The following MTA3 variants were observed in gnomAD, a reference collection of about 807,000 sequenced individuals.
MTA3 encodes the protein metastasis associated 1 family member 3.
MTA3 carries 34 observed loss-of-function variants against 83.5 expected under a neutral mutation model. The observed-to-expected ratio is 0.41, with a 90% CI of 0.31 to 0.54. The LOEUF (loss-of-function observed/expected upper bound fraction) is 0.54. MTA3 is among the 20% of genes least tolerant of loss of function. The pLI is 0.33. For missense variants in MTA3, 761 were observed against 726.4 expected, an observed-to-expected ratio of 1.05 and a Z score of -0.55; for synonymous variants, 303 against 252.7, an observed-to-expected ratio of 1.20 and a Z score of -1.89.
chr2:42,703,741 T>G (rs1665807183), intron 11 of MTA3: 1 of 156,236 alleles, frequency 6.4e-6, no homozygotes, highest in African/African-American at 2.4e-5. Context: ...ATGCAAAAAG[T>G]TAGCCGGGCG....
chr2:42,589,029 AATC>A (rs1307059423), intron 3 of MTA3, among the ~76,000 whole-genome samples: 2 of 152,118 alleles, frequency 1.3e-5, no homozygotes, highest in East Asian at 3.9e-4. Flanking sequence ...TGTGGAGGCC[AATC>A]TTCTTAACTT....
intron 2 of MTA3, among the ~76,000 whole-genome samples, chr2:42,551,564 C>G (rs78132802): frequency 2.0e-5 from 3 of 151,968 alleles, no homozygotes; most frequent in African/African-American, 7.3e-5. Context: ...ACAGACATGC[C>G]TCTTCTCAAA....
At chr2:42,626,296 A>ATT (rs201522919) in intron 4 of MTA3, among the ~76,000 whole-genome samples, 1 of 140,480 alleles carries the variant, frequency 7.1e-6, no homozygotes, top group Admixed American at 7.0e-5. Flanking sequence ...CAGGAGCTCC[A>ATT]TTTTTTTAAA....
intron 2 of MTA3, among the ~76,000 whole-genome samples, chr2:42,540,926 A>G (rs1029652894): frequency 2.0e-5 from 3 of 152,106 alleles, no homozygotes; most frequent in Non-Finnish European, 4.4e-5. Flanking sequence ...CAATGCACGA[A>G]TTTTGTACTA....
chr2:42,593,578 A>C (rs993603639), intron 3 of MTA3, among the ~76,000 whole-genome samples: 1 of 151,980 alleles, frequency 6.6e-6, no homozygotes, highest in African/African-American at 2.4e-5. Context: ...CTTCATTATA[A>C]CCTTAAGGGA....
rs1328080028 is a variant in MTA3, at chr2:42,621,801, C to T, written c.317+12217C>T. 2.0e-5 allele frequency among the ~76,000 whole-genome samples: 3 copies of T among 151,600 alleles called. No homozygotes were observed. The East Asian group carries it at 5.8e-4, about 30-fold the overall frequency. Reference sequence around the variant, plus strand: ...ACGGGGCGGCTGGGCAGAGACGCTCCTCACCTCCCAGACGGGGTCGTGGCC... The same window carrying T: ...ACGGGGCGGCTGGGCAGAGACGCTCTTCACCTCCCAGACGGGGTCGTGGCC... On this transcript the variant is annotated intron_variant, in intron 4 of 16. Transcript: ENST00000405094.
chr2:42,724,629 G>A (rs1211395695), intron 16 of MTA3, among the ~76,000 whole-genome samples: 2 of 114,096 alleles, frequency 1.8e-5, no homozygotes, highest in African/African-American at 7.5e-5. Flanking sequence ...GGATGACAGA[G>A]ACCCCATCAC....
intron 3 of MTA3, among the ~76,000 whole-genome samples, chr2:42,607,264 A>G (rs1488247633): frequency 6.6e-6 from 1 of 152,206 alleles, no homozygotes; most frequent in Non-Finnish European, 1.5e-5. Context: ...AGCAAAGCAT[A>G]CTGTGAAGTA....
intron 9 of MTA3, among the ~76,000 whole-genome samples, chr2:42,684,121 G>T (rs1164634710): frequency 6.6e-6 from 1 of 152,160 alleles, no homozygotes; most frequent in Non-Finnish European, 1.5e-5. Flanking sequence ...ACTATAGTAT[G>T]TACTTTGTTT....
At chr2:42,573,404 G>T (rs1407717569) in intron 2 of MTA3, among the ~76,000 whole-genome samples, 3 of 152,082 alleles carry the variant, frequency 2.0e-5, no homozygotes, top group Non-Finnish European at 4.4e-5. Flanking sequence ...GGAGTTCATT[G>T]GTATGATGAT....
chr2:42,511,131 G>A (rs1267443344), intron 2 of MTA3, among the ~76,000 whole-genome samples: 1 of 152,120 alleles, frequency 6.6e-6, no homozygotes, highest in African/African-American at 2.4e-5. Context: ...CTGGGACTGG[G>A]TTTGACTGAA....
chr2:42,713,443 A>C (rs1027113828), intron 14 of MTA3, among the ~76,000 whole-genome samples: 5 of 152,102 alleles, frequency 3.3e-5, no homozygotes, highest in African/African-American at 1.2e-4. Context: ...AGAGAGTTTA[A>C]ATTTTTTTTT....
chr2:42,641,328 C>G (rs948093033), intron 5 of MTA3, among the ~76,000 whole-genome samples: 2 of 150,832 alleles, frequency 1.3e-5, no homozygotes, highest in African/African-American at 4.9e-5. Flanking sequence ...ATTAGAAAAC[C>G]TAATAGGAAA....
chr2:42,732,630 C>T (rs1668311664), intron 16 of MTA3, among the ~76,000 whole-genome samples: 1 of 152,224 alleles, frequency 6.6e-6, no homozygotes, highest in Admixed American at 6.5e-5. Flanking sequence ...CTACAGCCAG[C>T]ATTAATTTCT....
intron 4 of MTA3, among the ~76,000 whole-genome samples, chr2:42,627,548 T>C (rs187752042): frequency 1.3e-5 from 2 of 152,022 alleles, no homozygotes; most frequent in Admixed American, 6.6e-5. Context: ...CTCTTTATTA[T>C]GGTTTAGATT....
At chr2:42,560,289 G>GT (rs1174496873) in intron 2 of MTA3, among the ~76,000 whole-genome samples, 2 of 151,506 alleles carry the variant, frequency 1.3e-5, no homozygotes, top group African/African-American at 4.8e-5. Context: ...CCCAAAGTGC[G>GT]TGAGGCACTG....
intron 7 of MTA3, among the ~76,000 whole-genome samples, chr2:42,657,093 T>G (rs1390996014): frequency 1.3e-5 from 2 of 152,218 alleles, no homozygotes; most frequent in African/African-American, 2.4e-5. Context: ...GGAGTATATA[T>G]AGGGAACTCT....
chr2:42,644,377 C>G (rs1190608297), intron 6 of MTA3, 133 bp downstream of exon 6: 2 of 548,020 alleles, frequency 3.6e-6, no homozygotes, highest in Non-Finnish European at 6.4e-6. Flanking sequence ...TTTTACTGTT[C>G]TTTGTAAAAA....
chr2:42,704,328 C>G lies in MTA3; in HGVS notation c.1150+10C>G. 1 of 1,613,458 alleles carries G rather than the reference C, an allele frequency of 6.2e-7. No homozygotes were observed. Among genetic ancestry groups the G allele is most frequent in the Non-Finnish European group, 8.5e-7 (1 of 1,179,594 alleles). On this transcript the variant is annotated intron_variant, in intron 12 of 16. Coordinates refer to ENST00000405094, the MANE Select transcript of MTA3 (RefSeq NM_001330442.2). ...TGTGAGAGCTGCTATGGTAAGTTTTCTCTAGCAGGTCAGTTAAGCATCGGG... is the reference window on the plus strand; with the variant it reads ...TGTGAGAGCTGCTATGGTAAGTTTTGTCTAGCAGGTCAGTTAAGCATCGGG...
Sources: gnomAD v4.1 joint callset for allele counts (sites outside exome capture counted in the v4.1 genomes callset) on GRCh38, gnomAD v4.1.1 for gene constraint, MANE v1.5 for transcripts, NCBI Gene and HGNC (gene_info 2026-07-23, HGNC 2026-07-21) for gene names.